Variants in EEF1D observed in about 807,000 individuals in gnomAD.
EEF1D encodes eukaryotic translation elongation factor 1 delta, also known as elongation factor 1-delta.
A neutral mutation model predicts 63.9 loss-of-function variants in EEF1D; 47 were observed. The ratio of observed to expected loss-of-function variants is 0.74; its 90% CI spans 0.58 to 0.94. The LOEUF is 0.94. EEF1D is among the 40% of genes least tolerant of loss of function. EEF1D has a pLI of 0.00. For missense variants in EEF1D, 907 were observed against 899.0 expected, an observed-to-expected ratio of 1.01 and a Z score of -0.11; for synonymous variants, 412 against 386.1, an observed-to-expected ratio of 1.07 and a Z score of -0.79.
At chr8:143,588,658 GC>G (rs1472069102) in intron 3 of EEF1D, among the ~76,000 whole-genome samples, 4 of 152,168 alleles carry the variant, frequency 2.6e-5, no homozygotes, top group African/African-American at 9.7e-5. Flanking sequence ...TATCTTCTCA[GC>G]CCTGGCATGT....
chr8:143,589,030 C>A lies in EEF1D; in HGVS notation c.1052G>T (p.Gly351Val). 1 of 1,602,364 alleles carries A rather than the reference C, an allele frequency of 6.2e-7. No individual in the cohort carries two copies. Among genetic ancestry groups the A allele is most frequent in the Non-Finnish European group, 8.5e-7 (1 of 1,179,540 alleles). ...LEAASLSHRP[G>V]PRSGLSVSSL... ...GGACACGGACAGGCCAGACCGAGGA[C>A]CGGGTCGGTGAGACAGGGAGGCAGC... The change falls in exon 3 of 10, where the codon GGT (glycine) becomes GTT (valine). Residue 351 changes from glycine (G) to valine (V), a missense_variant. By Grantham distance (109) the Gly-to-Val change is moderately radical. Coordinates refer to ENST00000618139, the MANE Select transcript of EEF1D (RefSeq NM_001130053.5).
At chr8:143,588,964 G>A in intron 3 of EEF1D, 27 bp downstream of exon 3, 1 of 1,584,356 alleles carries the variant, frequency 6.3e-7, no homozygotes, top group East Asian at 2.3e-5. Flanking sequence ...GCCCAGGCTG[G>A]GTGCCCACCC....
chr8:143,581,162 G>A lies in EEF1D; in HGVS notation c.1388-8C>T, dbSNP rs368338544. 1.5e-4 allele frequency: 234 copies of A among 1,612,830 alleles called. No individual in the cohort carries two copies. The highest frequency in any genetic ancestry group is 1.9e-4 in the Non-Finnish European group (225 of 1,179,946). ...GCTGCAGCTCCTGTACCACTGGGGG[G>A]GCAAGGGGAGCACGGTTAGATGGCA... On this transcript the variant is annotated splice_region_variant and splice_polypyrimidine_tract_variant and intron_variant, in intron 6 of 9. Transcript: ENST00000618139.
chr8:143,580,062 T>C lies in EEF1D; in HGVS notation c.1855A>G (p.Lys619Glu). 1 of 1,614,024 alleles carries C rather than the reference T, an allele frequency of 6.2e-7. No homozygotes were observed. Among genetic ancestry groups the C allele is most frequent in the African/African-American group, 1.3e-5 (1 of 75,040 alleles). ...TCCTCCAGCAAGTCTGTCCCCACCT[T>C]GTCGTCCTCCACCACACACTGAATC... The part of the protein sequence containing the change: ...LQIQCVVEDD[K>E]VGTDLLEEEI... Residue 619 changes from lysine (K) to glutamate (E), a missense_variant, in exon 9 of 10, where the codon AAG becomes GAG. By Grantham distance (56) the Lys-to-Glu change is moderately conservative. Transcript: ENST00000618139.
At position 143,579,937 on chromosome 8, in the gene EEF1D, C is replaced by T. The variant is rs1018267822; in HGVS notation, c.1905+75G>A. The stretch of plus-strand genomic sequence containing the variant: ...CACTCTGGGACTCGCTCCCCACTGC[C>T]GTGGGGTGGAGTGCAGGGTATGGGC... On this transcript the variant is annotated intron_variant, in intron 9 of 9. Coordinates refer to ENST00000618139, the MANE Select transcript of EEF1D (RefSeq NM_001130053.5). 55 of 1,557,402 alleles carry T rather than the reference C, an allele frequency of 3.5e-5. No individual in the cohort carries two copies. In the East Asian group the frequency reaches 4.3e-4, roughly 12 times the overall value.
At chr8:143,590,371 T>C (rs751932) in intron 2 of EEF1D, 537,476 of 625,548 alleles carry the variant, frequency 0.86, 235,065 homozygotes, top group Non-Finnish European at 0.92. Flanking sequence ...ATGAACAATA[T>C]ATAATTTTGT....
rs76573527 is a variant in EEF1D at position 143,585,314 on chromosome 8, G to A, written c.1287+905C>T. ...AGAGGCGCGAGATGGAAGTGGAGGCGGGGCGGGGATGAGGCTGCCTGCTGA... is the reference window on the plus strand; with the variant it reads ...AGAGGCGCGAGATGGAAGTGGAGGCAGGGCGGGGATGAGGCTGCCTGCTGA... On this transcript the variant is annotated intron_variant, in intron 5 of 9. Coordinates refer to ENST00000618139, the MANE Select transcript of EEF1D (RefSeq NM_001130053.5). Among the ~76,000 whole-genome samples the A allele has an allele frequency of 1.5e-3, 222 of 152,282 alleles. 4 individuals are homozygous for A. The East Asian group carries it at 0.034, about 23-fold the overall frequency.
intron 5 of EEF1D, chr8:143,583,468 C>T (rs1315803805): frequency 6.6e-6 from 1 of 152,364 alleles, no homozygotes; most frequent in Non-Finnish European, 1.5e-5. Context: ...CTTCTGGGCA[C>T]TGGAGTGCAA....
rs770060846 is a variant in EEF1D at position 143,589,522 on chromosome 8, G to T, written c.560C>A (p.Ala187Asp). The T allele has an allele frequency of 6.6e-7, 1 of 1,512,056 alleles. No individual in the cohort carries two copies. The highest frequency in any genetic ancestry group is 2.3e-5 in the East Asian group (1 of 42,802). The allele number at this position is 1,512,056 out of a possible 1,614,324, so 93.7% of individuals were successfully genotyped here. A position where few individuals can be genotyped will look rare whatever the true frequency, so the allele number is the denominator to read the frequency against. The change falls in exon 3 of 10, where the codon GCC becomes GAC. Residue 187 changes from alanine to aspartate, a missense_variant. Physicochemically the swap from Ala to Asp is moderately radical, Grantham distance 126. Transcript: ENST00000618139. ...FVEWSQALLL[A>D]PDGSRRQGTP... ...CCCCTGCCTGCGGCTGCCGTCGGGGGCCAGCAACAGGGCCTGAGACCACTC... is the reference window on the plus strand; with the variant it reads ...CCCCTGCCTGCGGCTGCCGTCGGGGTCCAGCAACAGGGCCTGAGACCACTC...
At chr8:143,582,304 C>T (rs901951816) in intron 5 of EEF1D, 10 of 152,370 alleles carry the variant, frequency 6.6e-5, no homozygotes, top group African/African-American at 2.4e-4. Context: ...CCCAGGAGGC[C>T]CACCTGGCAG....
intron 5 of EEF1D, 115 bp from the exon 6 acceptor site, chr8:143,581,443 G>A (rs370493633): frequency 2.2e-6 from 2 of 907,750 alleles, no homozygotes; most frequent in Non-Finnish European, 1.6e-6. Flanking sequence ...GAGAGCAGGA[G>A]GTGCCCCCCG....
Position 143,589,772 on chromosome 8 carries a change from G to C in EEF1D, c.310C>G (p.Leu104Val). The C allele has an allele frequency of 1.3e-6, 2 of 1,555,162 alleles. No individual in the cohort carries two copies. The highest frequency in any genetic ancestry group is 2.0e-5 in the Admixed American group (1 of 50,082). ...SGLGPADLAL[L>V]GLSAERVWLD... ...CACACGCGTTCGGCCGAGAGGCCCA[G>C]GAGGGCCAGGTCCGCGGGGCCGAGC... is the stretch of plus-strand genomic sequence containing the variant. Residue 104 changes from leucine (L) to valine (V), a missense_variant, in exon 3 of 10, where the codon CTG (leucine) becomes GTG (valine). Physicochemically the swap from Leu to Val is conservative, Grantham distance 32. Coordinates refer to ENST00000618139, the MANE Select transcript of EEF1D (RefSeq NM_001130053.5).
In EEF1D at chr8:143,592,543, T is replaced by C. The variant is rs901754655; in HGVS notation, c.-1+104A>G. ...GGAAACTGAGGCCCTCTGGGCAGAC[T>C]GGGCCATGCGCAGGTGGTGCTGGGT... On this transcript the variant is annotated intron_variant, in intron 2 of 9. Coordinates refer to ENST00000618139, the MANE Select transcript of EEF1D (RefSeq NM_001130053.5). 10 of 941,424 alleles carry C rather than the reference T, an allele frequency of 1.1e-5. No homozygotes were observed. In the African/African-American group the frequency reaches 1.6e-4, roughly 15 times the overall value. The allele number at this position is 941,424 out of a possible 1,614,324, so 58.3% of individuals were successfully genotyped here.
Position 143,581,266 on chromosome 8 carries a change from A to C in EEF1D, c.1350T>G (p.Ile450Met). 6.2e-7 allele frequency: 1 copy of C among 1,612,558 alleles called. No individual in the cohort carries two copies. The change falls in exon 6 of 10, where the codon ATT (isoleucine) becomes ATG (methionine). Residue 450 changes from isoleucine to methionine, a missense_variant. Physicochemically the swap from Ile to Met is conservative, Grantham distance 10. Coordinates refer to ENST00000618139, the MANE Select transcript of EEF1D (RefSeq NM_001130053.5). Reference sequence around the variant, plus strand: ...TCTGGTTCTCCACTTCCAGACTGGCAATCCGGACGACGAGCTCACCGTGGT... The same window carrying C: ...TCTGGTTCTCCACTTCCAGACTGGCCATCCGGACGACGAGCTCACCGTGGT... Reference protein sequence around the residue: ...SGDHGELVVRIASLEVENQSL... With the variant: ...SGDHGELVVRMASLEVENQSL...
At chr8:143,580,451 T>C in intron 8 of EEF1D, 55 bp downstream of exon 8, 3 of 1,574,572 alleles carry the variant, frequency 1.9e-6, no homozygotes, top group Non-Finnish European at 2.6e-6. Flanking sequence ...CTGAGCCGGC[T>C]AGGCGGGCAC....
chr8:143,586,316 T>C (rs760849438), intron 4 of EEF1D, 26 bp from the exon 5 acceptor site: 24 of 1,505,412 alleles, frequency 1.6e-5, no homozygotes, highest in Non-Finnish European at 2.1e-5. Flanking sequence ...AAAGAACCAG[T>C]CTTTTTTTTA....
rs1173584308 is a variant in EEF1D at position 143,589,023 on chromosome 8, C to A, written c.1059G>T (p.Arg353=). The A allele has an allele frequency of 1.2e-6, 2 of 1,600,536 alleles. No homozygotes were observed. The highest frequency in any genetic ancestry group is 8.5e-7 in the Non-Finnish European group (1 of 1,179,500). Residue 353 remains arginine (R), a synonymous_variant, in exon 3 of 10, where the codon CGG becomes CGT. Transcript: ENST00000618139. ...TCAGGCTGGACACGGACAGGCCAGA[C>A]CGAGGACCGGGTCGGTGAGACAGGG... ...AASLSHRPGP[R]SGLSVSSLRP...
intron 3 of EEF1D, 28 bp downstream of exon 3, chr8:143,588,963 G>A: frequency 6.3e-7 from 1 of 1,583,866 alleles, no homozygotes; most frequent in Non-Finnish European, 8.5e-7. Context: ...AGCCCAGGCT[G>A]GGTGCCCACC....
At chr8:143,591,179 C>G (rs192762909) in intron 2 of EEF1D, among the ~76,000 whole-genome samples, 2 of 152,304 alleles carry the variant, frequency 1.3e-5, no homozygotes, top group African/African-American at 2.4e-5. Flanking sequence ...CATCAGGGCC[C>G]CCTCTAAGGT....
Sources: gnomAD v4.1 joint callset for allele counts (sites outside exome capture counted in the v4.1 genomes callset) on GRCh38, gnomAD v4.1.1 for gene constraint, MANE v1.5 for transcripts, NCBI Gene and HGNC (gene_info 2026-07-23, HGNC 2026-07-21) for gene names.